Variants in MAML3 observed in about 807,000 individuals in gnomAD.
MAML3 encodes the protein mastermind like transcriptional coactivator 3.
In MAML3, 27 loss-of-function variants were observed where a neutral mutation model predicts 101.9. The ratio of observed to expected loss-of-function variants is 0.27; its 90% CI spans 0.20 to 0.37. The LOEUF (loss-of-function observed/expected upper bound fraction) is 0.37, where lower values mean the gene tolerates loss of function less well. Ranked by LOEUF, MAML3 falls within the 10% of genes least tolerant of loss-of-function variation. MAML3 has a pLI of 1.00. For synonymous variants in MAML3, 501 were observed against 555.9 expected (o/e 0.90, Z 1.39); for missense variants, 1,316 against 1,444.9 (o/e 0.91, Z 1.45).
Position 139,716,960 on chromosome 4 carries a change from T to G in MAML3, c.*2363A>C, listed in dbSNP as rs1727996391. The G allele has an allele frequency of 6.6e-6, 1 of 152,582 alleles. No homozygotes were observed. The highest frequency in any genetic ancestry group is 2.4e-5 in the African/African-American group (1 of 41,436). 9.5% of individuals were successfully genotyped at this position (152,582 alleles called of 1,614,324 possible). ...CATACAGTACAAATTAGTAATTAGA[T>G]GTCATCTGAAGTGCAATACCACTGC... On this transcript the variant is annotated 3_prime_UTR_variant, in exon 5 of 5. Coordinates refer to ENST00000509479, the MANE Select transcript of MAML3 (RefSeq NM_018717.5).
At chr4:139,860,742 A>G (rs1731763465) in intron 2 of MAML3, among the ~76,000 whole-genome samples, 1 of 152,202 alleles carries the variant, frequency 6.6e-6, no homozygotes, top group East Asian at 1.9e-4. Context: ...CTATGTATAC[A>G]TATACCTACA....
intron 1 of MAML3, among the ~76,000 whole-genome samples, chr4:140,151,010 T>TG (rs1414437446): frequency 5.1e-5 from 2 of 39,296 alleles, no homozygotes; most frequent in East Asian, 5.5e-4. Context: ...CGCGGGGGCA[T>TG]GGGGGGCGCG....
At chr4:140,115,246 AACAAT>A (rs1728499584) in intron 1 of MAML3, among the ~76,000 whole-genome samples, 1 of 152,234 alleles carries the variant, frequency 6.6e-6, no homozygotes, top group Admixed American at 6.5e-5. Context: ...CATAGCTCAT[AACAAT>A]ACATTTTATT....
intron 1 of MAML3, among the ~76,000 whole-genome samples, chr4:140,126,670 C>T (rs577979113): frequency 2.0e-5 from 3 of 152,278 alleles, no homozygotes; most frequent in South Asian, 2.1e-4. Context: ...TGTCTATACC[C>T]GCAACCCAGA....
Position 139,735,559 on chromosome 4 carries a change from G to C in MAML3, c.2080-4892C>G, listed in dbSNP as rs1351236060. Among the ~76,000 whole-genome samples the C allele has an allele frequency of 1.3e-5, 2 of 152,182 alleles. No individual in the cohort carries two copies. The highest frequency in any genetic ancestry group is 6.5e-5 in the Admixed American group (1 of 15,284). On this transcript the variant is annotated intron_variant, in intron 2 of 4. Transcript: ENST00000509479. The surrounding 1 kb of genome is among the most constrained non-coding windows in gnomAD (Gnocchi z 5.8). Reference sequence around the variant, plus strand: ...ACCCCAGCTGCACAAAGCCGGCCCGGGGAGGGGGCGATAAGGAGCGAGCCT... The same window carrying C: ...ACCCCAGCTGCACAAAGCCGGCCCGCGGAGGGGGCGATAAGGAGCGAGCCT...
chr4:139,967,580 C>T (rs1021124153), intron 1 of MAML3, among the ~76,000 whole-genome samples: 1 of 151,456 alleles, frequency 6.6e-6, no homozygotes, highest in Non-Finnish European at 1.5e-5. Flanking sequence ...ATACATAAGG[C>T]GGTGAGAGAG....
intron 1 of MAML3, among the ~76,000 whole-genome samples, chr4:140,121,874 G>T (rs550264558): frequency 2.0e-5 from 3 of 152,212 alleles, no homozygotes; most frequent in East Asian, 3.9e-4. Flanking sequence ...GGGACCCAGT[G>T]GGGGGTAACT....
At chr4:139,886,226 C>G (rs1189230960) in intron 2 of MAML3, among the ~76,000 whole-genome samples, 3 of 151,806 alleles carry the variant, frequency 2.0e-5, no homozygotes, top group Non-Finnish European at 4.4e-5. Flanking sequence ...CAATGAATAG[C>G]AAATAATGAT....
At chr4:140,099,229 TCACACACACA>T (rs57140878) in intron 1 of MAML3, among the ~76,000 whole-genome samples, 13 of 147,070 alleles carry the variant, frequency 8.8e-5, no homozygotes, top group Admixed American at 2.1e-4. Flanking sequence ...TGGAAGTATA[TCACACACACA>T]CACACACACA....
intron 2 of MAML3, among the ~76,000 whole-genome samples, chr4:139,883,889 C>CTTTTTTTTTTTTTTTT (rs70943452): frequency 4.0e-5 from 3 of 74,314 alleles, no homozygotes; most frequent in Admixed American, 3.6e-4. Flanking sequence ...AATTGCTTGT[C>CTTTTTTTTTTTTTTTT]TTTTTTTTTT....
At chr4:139,737,859 GAT>G (rs1379926506) in intron 2 of MAML3, among the ~76,000 whole-genome samples, 1 of 152,234 alleles carries the variant, frequency 6.6e-6, no homozygotes, top group Non-Finnish European at 1.5e-5. Flanking sequence ...TGTCTCAGCA[GAT>G]TATTGAAGAA....
chr4:139,951,197 G>C (rs1733825970), intron 1 of MAML3, among the ~76,000 whole-genome samples: 1 of 152,282 alleles, frequency 6.6e-6, no homozygotes, highest in Non-Finnish European at 1.5e-5. Context: ...CCTGTGCTGG[G>C]AGCTAGAAAT....
At chr4:139,759,328 T>C (rs930077841) in intron 2 of MAML3, among the ~76,000 whole-genome samples, 1 of 152,242 alleles carries the variant, frequency 6.6e-6, no homozygotes, top group Non-Finnish European at 1.5e-5. Flanking sequence ...CACTGAAGTA[T>C]GCAGCAGAAA....
intron 1 of MAML3, among the ~76,000 whole-genome samples, chr4:139,929,588 T>C (rs1378341662): frequency 6.6e-6 from 1 of 152,208 alleles, no homozygotes; most frequent in Non-Finnish European, 1.5e-5. Flanking sequence ...AACTCAAATA[T>C]ACTAGCATCT....
intron 2 of MAML3, among the ~76,000 whole-genome samples, chr4:139,754,241 A>C (rs1159995998): frequency 2.0e-5 from 3 of 152,250 alleles, no homozygotes; most frequent in Non-Finnish European, 4.4e-5. Flanking sequence ...AAAAATCACT[A>C]ATTTTAATCA....
chr4:139,897,162 T>A (rs910709656), intron 1 of MAML3, among the ~76,000 whole-genome samples: 4 of 152,210 alleles, frequency 2.6e-5, no homozygotes, highest in African/African-American at 9.7e-5. Context: ...ATGAAGATTC[T>A]AAGATGGAAG....
chr4:139,736,796 C>T (rs529940659), intron 2 of MAML3, among the ~76,000 whole-genome samples: 13 of 152,280 alleles, frequency 8.5e-5, no homozygotes, highest in African/African-American at 2.9e-4. Flanking sequence ...CAGGTGGTTA[C>T]GATGTCCCAT....
At chr4:139,861,922 A>T (rs570632960) in intron 2 of MAML3, among the ~76,000 whole-genome samples, 1 of 152,228 alleles carries the variant, frequency 6.6e-6, no homozygotes, top group Admixed American at 6.5e-5. Context: ...GAAAATTATC[A>T]ATGCCGGCTG....
At chr4:139,897,306 A>G (rs1381405390) in intron 1 of MAML3, among the ~76,000 whole-genome samples, 1 of 151,988 alleles carries the variant, frequency 6.6e-6, no homozygotes, top group Non-Finnish European at 1.5e-5. Flanking sequence ...GTCTGAAATT[A>G]CAGAACTCAG....
Sources: gnomAD v4.1 joint callset for allele counts (sites outside exome capture counted in the v4.1 genomes callset) on GRCh38, gnomAD v4.1.1 for gene constraint, Gnocchi (gnomAD v3.1) non-coding constraint, MANE v1.5 for transcripts, NCBI Gene and HGNC (gene_info 2026-07-23, HGNC 2026-07-21) for gene names.